The following SCNN1G variants were observed in gnomAD, a reference collection of about 807,000 sequenced individuals.
SCNN1G encodes epithelial sodium channel subunit gamma.
A neutral mutation model predicts 64.6 loss-of-function variants in SCNN1G; 27 were observed. The observed-to-expected ratio is 0.42, with a 90% CI of 0.31 to 0.58. The LOEUF is 0.58. SCNN1G is among the 20% of genes least tolerant of loss of function. The pLI, the probability that SCNN1G is intolerant of heterozygous loss-of-function variation, is 0.18. For synonymous variants in SCNN1G, 330 were observed against 314.2 expected (o/e 1.05, Z -0.53); for missense variants, 743 against 823.4 (o/e 0.90, Z 1.19).
At chr16:23,205,329 C>T (rs1027653364) in intron 6 of SCNN1G, among the ~76,000 whole-genome samples, 8 of 152,080 alleles carry the variant, frequency 5.3e-5, no homozygotes, top group African/African-American at 1.7e-4. Flanking sequence ...CTTACGCCCA[C>T]GGTCAGAGGA....
chr16:23,215,435 A>G lies in SCNN1G; in HGVS notation c.1916A>G (p.Gln639Arg), dbSNP rs775062537. 1 of 1,612,762 alleles carries G rather than the reference A, an allele frequency of 6.2e-7. No individual in the cohort carries two copies. The highest frequency in any genetic ancestry group is 1.3e-5 in the African/African-American group (1 of 74,900). Residue 639 changes from glutamine (Q) to arginine (R), a missense_variant, in exon 13 of 13, where the codon CAG becomes CGG. By Grantham distance (43) the Gln-to-Arg change is conservative. Coordinates refer to ENST00000300061, the MANE Select transcript of SCNN1G (RefSeq NM_001039.4). ...CGCTTGGAGAGGGCCTTTTCCAACC[A>G]GCTCACAGATACCCAGATGCTGGAT... is the stretch of plus-strand genomic sequence containing the variant. ...TLRLERAFSNQLTDTQMLDEL is the reference protein window; with the variant it reads ...TLRLERAFSNRLTDTQMLDEL
At chr16:23,196,084 A>T (rs964010330) in intron 5 of SCNN1G, 6 of 152,210 alleles carry the variant, frequency 3.9e-5, no homozygotes, top group Non-Finnish European at 8.8e-5. Flanking sequence ...ATCTAGTTAC[A>T]AATCCTAAAG....
intron 6 of SCNN1G, among the ~76,000 whole-genome samples, 198 bp downstream of exon 6, chr16:23,197,625 G>GCT (rs754238103): frequency 2.0e-5 from 3 of 152,190 alleles, no homozygotes; most frequent in African/African-American, 4.8e-5. Context: ...GGCTGCAGTG[G>GCT]CTCACACCTG....
Position 23,212,067 on chromosome 16 carries a change from G to A in SCNN1G, c.1210G>A (p.Val404Met), listed in dbSNP as rs1417743426. 6 of 1,613,958 alleles carry A rather than the reference G, an allele frequency of 3.7e-6. No homozygotes were observed. In the Admixed American group the frequency reaches 1.0e-4, roughly 27 times the overall value. Residue 404 changes from valine to methionine, a missense_variant, in exon 8 of 13, where the codon GTG (valine) becomes ATG (methionine). Transcript: ENST00000300061. ...TCATTCATGCTTCCAGACAAAGATGGTGGAGAAATGTGGGTGTGCCCAGTA... is the reference window on the plus strand; with the variant it reads ...TCATTCATGCTTCCAGACAAAGATGATGGAGAAATGTGGGTGTGCCCAGTA... Reference protein sequence around the residue: ...CLHSCFQTKMVEKCGCAQYSQ... With the variant: ...CLHSCFQTKMMEKCGCAQYSQ...
intron 10 of SCNN1G, 58 bp from the exon 11 acceptor site, chr16:23,213,044 G>A: frequency 6.4e-7 from 1 of 1,553,126 alleles, no homozygotes; most frequent in Non-Finnish European, 8.9e-7. Flanking sequence ...CCTGAGGCGG[G>A]AGGCTGGCCC....
At chr16:23,191,181 A>T (rs1959703062) in intron 3 of SCNN1G, among the ~76,000 whole-genome samples, 1 of 152,046 alleles carries the variant, frequency 6.6e-6, no homozygotes, top group Non-Finnish European at 1.5e-5. Context: ...ACTGAAAATG[A>T]ATTCTAGTAC....
At position 23,212,146 on chromosome 16, in the gene SCNN1G, A is replaced by G; in HGVS notation, c.1289A>G (p.Asn430Ser). 6.2e-7 allele frequency: 1 copy of G among 1,607,378 alleles called. No individual in the cohort carries two copies. Among genetic ancestry groups the G allele is most frequent in the Non-Finnish European group, 8.5e-7 (1 of 1,174,096 alleles). Residue 430 changes from asparagine (N) to serine (S), a missense_variant, in exon 8 of 13, where the codon AAC becomes AGC. Transcript: ENST00000300061. ...ANYCNYQQHP[N>S]WMYCYYQLHR... ...TACTGCAACTACCAGCAGCACCCCA[A>G]CTGGAGTGAGTGAGACCCAGCTCCA...
intron 6 of SCNN1G, among the ~76,000 whole-genome samples, chr16:23,197,738 G>A (rs72647507): frequency 5.9e-4 from 90 of 152,178 alleles, no homozygotes; most frequent in Admixed American, 9.2e-4. Context: ...AAATTAGTTG[G>A]GTATGGTAGT....
At chr16:23,190,831 ATTTTTTTTT>A (rs896029487) in intron 3 of SCNN1G, among the ~76,000 whole-genome samples, 30 of 56,242 alleles carry the variant, frequency 5.3e-4, no homozygotes, top group South Asian at 2.2e-3. Context: ...ATTTGAGGGG[ATTTTTTTTT>A]TTTTTTTTTT....
In SCNN1G at chr16:23,189,617, CAAG is replaced by C. The variant is rs754877708; in HGVS notation, c.565_567del (p.Lys189del). 1 of 1,614,236 alleles carries C rather than the reference CAAG, an allele frequency of 6.2e-7. No homozygotes were observed. The highest frequency in any genetic ancestry group is 2.2e-5 in the East Asian group (1 of 44,882). On this transcript the variant is annotated inframe_deletion, in exon 3 of 13. Coordinates refer to ENST00000300061, the MANE Select transcript of SCNN1G (RefSeq NM_001039.4). Reference sequence around the variant, plus strand: ...GGAAAGTCGGCGGTAGCATCATTCACAAGGCTTCAAATGTCATGCACATCGAGT... The same window carrying C: ...GGAAAGTCGGCGGTAGCATCATTCACGCTTCAAATGTCATGCACATCGAGT...
At position 23,216,425 on chromosome 16, in the gene SCNN1G, C is replaced by T. The variant is rs892089105; in HGVS notation, c.*956C>T. On this transcript the variant is annotated 3_prime_UTR_variant, in exon 13 of 13. Coordinates refer to ENST00000300061, the MANE Select transcript of SCNN1G (RefSeq NM_001039.4). ...TCCCTCACCAACAAGCCAACTGCCA[C>T]AGATGACCCACTTCATACCACATTC... 16 of 152,240 alleles carry T rather than the reference C, an allele frequency of 1.1e-4. No individual in the cohort carries two copies. The highest frequency in any genetic ancestry group is 1.0e-3 in the Admixed American group (16 of 15,272). The allele number at this position is 152,240 out of a possible 1,614,324, so 9.4% of individuals were successfully genotyped here.
intron 11 of SCNN1G, 94 bp from the exon 12 acceptor site, chr16:23,214,618 G>C (rs1960130555): frequency 1.0e-6 from 1 of 990,852 alleles, no homozygotes; most frequent in Admixed American, 1.8e-5. Context: ...CCTTGGCCAT[G>C]CTGCCAGCTT....
intron 5 of SCNN1G, among the ~76,000 whole-genome samples, chr16:23,194,718 G>C (rs1287291861): frequency 6.6e-6 from 1 of 152,166 alleles, no homozygotes; most frequent in Non-Finnish European, 1.5e-5. Flanking sequence ...GTGACCTTGG[G>C]CAAGTTACTG....
rs544054838 is a variant in SCNN1G at position 23,198,153 on chromosome 16, T to G, written c.1077+726T>G. The stretch of plus-strand genomic sequence containing the variant: ...TTAGCCCATTACACTCCTGTCAATT[T>G]TACCTCATTTACCAAGAACCCCTTC... On this transcript the variant is annotated intron_variant, in intron 6 of 12. Transcript: ENST00000300061. Among the ~76,000 whole-genome samples, 16 of 152,298 alleles carry G rather than the reference T, an allele frequency of 1.1e-4. 1 individual carries two copies. The South Asian group carries it at 3.3e-3, about 32-fold the overall frequency.
intron 6 of SCNN1G, among the ~76,000 whole-genome samples, chr16:23,202,697 G>A (rs1455537237): frequency 2.6e-5 from 4 of 152,174 alleles, no homozygotes; most frequent in African/African-American, 9.7e-5. Context: ...TAGATTTCAC[G>A]GATATTATAG....
intron 8 of SCNN1G, 90 bp downstream of exon 8, chr16:23,212,241 T>G: frequency 1.2e-6 from 1 of 848,450 alleles, no homozygotes; most frequent in Non-Finnish European, 2.0e-6. Context: ...CCACCCCTGT[T>G]GCCTTTTGCG....
chr16:23,193,069 CAAAAAAAAAAA>C (rs56318076), intron 4 of SCNN1G, among the ~76,000 whole-genome samples: 8 of 69,126 alleles, frequency 1.2e-4, no homozygotes, highest in South Asian at 5.4e-4. Flanking sequence ...ACTCTTGTCT[CAAAAAAAAAAA>C]AAAAAAAAAA....
In SCNN1G at chr16:23,190,955, T is replaced by A. The variant is rs573559161; in HGVS notation, c.618+1284T>A. 6.7e-5 allele frequency among the ~76,000 whole-genome samples: 10 copies of A among 148,656 alleles called. No homozygotes were observed. In the Admixed American group the frequency reaches 6.8e-4, roughly 10 times the overall value. ...ACCTCCCGGGTTCAAGTGATTCTCCTGCCTCAGCCTCCTGAGTAGCTGGGA... is the reference window on the plus strand; with the variant it reads ...ACCTCCCGGGTTCAAGTGATTCTCCAGCCTCAGCCTCCTGAGTAGCTGGGA... On this transcript the variant is annotated intron_variant, in intron 3 of 12. Coordinates refer to ENST00000300061, the MANE Select transcript of SCNN1G (RefSeq NM_001039.4).
intron 6 of SCNN1G, among the ~76,000 whole-genome samples, chr16:23,208,639 TC>T (rs1960030662): frequency 7.7e-6 from 1 of 129,296 alleles, no homozygotes; most frequent in Admixed American, 8.3e-5. Context: ...TTCCCGCCCT[TC>T]CTTCCTTTCT....
Sources: gnomAD v4.1 joint callset for allele counts (sites outside exome capture counted in the v4.1 genomes callset) on GRCh38, gnomAD v4.1.1 for gene constraint, MANE v1.5 for transcripts, NCBI Gene and HGNC (gene_info 2026-07-23, HGNC 2026-07-21) for gene names.